Variants in JAM3 observed in about 807,000 individuals in gnomAD.
JAM3 encodes the protein junctional adhesion molecule C.
JAM3 carries 31 observed loss-of-function variants against 39.4 expected under a neutral mutation model. The ratio of observed to expected loss-of-function variants is 0.79; its 90% CI spans 0.59 to 1.06. The LOEUF is 1.06. JAM3 is among the 50% of genes least tolerant of loss of function. The pLI is 0.00. For missense variants in JAM3, 455 were observed against 391.4 expected (o/e 1.16, Z -1.37); for synonymous variants, 182 against 148.7 (o/e 1.22, Z -1.63).
chr11:134,104,781 T>C (rs1942149616), intron 1 of JAM3, among the ~76,000 whole-genome samples: 1 of 152,050 alleles, frequency 6.6e-6, no homozygotes, highest in African/African-American at 2.4e-5. Context: ...CCTGGACACA[T>C]ACACCCTCCC....
chr11:134,146,422 CGAGT>C lies in JAM3; in HGVS notation c.712+378_712+381del, dbSNP rs368202308. Among the ~76,000 whole-genome samples, 22 of 152,006 alleles carry C rather than the reference CGAGT, an allele frequency of 1.4e-4. No homozygotes were observed. In the East Asian group the frequency reaches 3.7e-3, roughly 25 times the overall value. On this transcript the variant is annotated intron_variant, in intron 6 of 8. Coordinates refer to ENST00000299106, the MANE Select transcript of JAM3 (RefSeq NM_032801.5). The stretch of plus-strand genomic sequence containing the variant: ...TTGTAGAAAACTGACAGTTTTAGCC[CGAGT>C]AATTTTACCTGCAGACAAAGCTTAG...
chr11:134,130,257 G>C (rs1157645676), intron 1 of JAM3, among the ~76,000 whole-genome samples: 2 of 152,126 alleles, frequency 1.3e-5, no homozygotes, highest in African/African-American at 4.8e-5. Context: ...AAGAAACATT[G>C]AAAGAGCAAA....
At chr11:134,070,201 C>T (rs533569613) in intron 1 of JAM3, 29 of 456,272 alleles carry the variant, frequency 6.4e-5, no homozygotes, top group African/African-American at 5.6e-4. Flanking sequence ...TCCAAGGCTG[C>T]ATTCTAAGTA....
At chr11:134,119,609 C>T (rs144203285) in intron 1 of JAM3, among the ~76,000 whole-genome samples, 16 of 152,298 alleles carry the variant, frequency 1.1e-4, no homozygotes, top group African/African-American at 3.6e-4. Context: ...GGAGAGTCGA[C>T]GATGCCAGTG....
intron 1 of JAM3, among the ~76,000 whole-genome samples, chr11:134,091,331 TAA>T (rs956734295): frequency 2.0e-5 from 3 of 152,006 alleles, no homozygotes; most frequent in African/African-American, 7.2e-5. Flanking sequence ...CTGTCTCTAC[TAA>T]AAATTAAAAA....
chr11:134,106,986 A>T (rs1457575813), intron 1 of JAM3, among the ~76,000 whole-genome samples: 1 of 152,240 alleles, frequency 6.6e-6, no homozygotes, highest in Non-Finnish European at 1.5e-5. Flanking sequence ...TACTGGGTAT[A>T]TACCCAAAGG....
chr11:134,108,175 A>G (rs1246823257), intron 1 of JAM3, among the ~76,000 whole-genome samples: 1 of 152,142 alleles, frequency 6.6e-6, no homozygotes, highest in Non-Finnish European at 1.5e-5. Flanking sequence ...TTATGCTTAA[A>G]CATTTCACAA....
At chr11:134,108,828 C>T (rs1942253738) in intron 1 of JAM3, among the ~76,000 whole-genome samples, 1 of 152,040 alleles carries the variant, frequency 6.6e-6, no homozygotes, top group African/African-American at 2.4e-5. Context: ...ATCAATAAAC[C>T]AAAAGCTGGT....
chr11:134,118,182 C>A (rs1403413664), intron 1 of JAM3, among the ~76,000 whole-genome samples: 1 of 152,188 alleles, frequency 6.6e-6, no homozygotes, highest in Non-Finnish European at 1.5e-5. Context: ...TGTGTTTAGT[C>A]ATACACATTT....
At chr11:134,083,747 A>G (rs1042119529) in intron 1 of JAM3, among the ~76,000 whole-genome samples, 1 of 152,190 alleles carries the variant, frequency 6.6e-6, no homozygotes, top group Non-Finnish European at 1.5e-5. Context: ...TTAAGCCTCC[A>G]TGATGGGTCC....
chr11:134,086,909 A>G (rs970267981), intron 1 of JAM3, among the ~76,000 whole-genome samples: 5 of 152,060 alleles, frequency 3.3e-5, no homozygotes, highest in Admixed American at 6.6e-5. Context: ...GGTTCAAGCA[A>G]TCCTTCTGTC....
chr11:134,135,167 TTA>T (rs1347604007), intron 1 of JAM3, among the ~76,000 whole-genome samples: 1 of 152,242 alleles, frequency 6.6e-6, no homozygotes, highest in East Asian at 1.9e-4. Context: ...TTTAGGTGTT[TTA>T]TATGTTTTAA....
rs1014567579 is a variant in JAM3 at position 134,109,460 on chromosome 11, T to C, written c.77-30391T>C. ...ATAACTGTTGCCTGGTTTTTTGTTA[T>C]TTGCTTTTGCAAATAAAATTTTATT... On this transcript the variant is annotated intron_variant, in intron 1 of 8. Transcript: ENST00000299106. Among the ~76,000 whole-genome samples, 6 of 152,378 alleles carry C rather than the reference T, an allele frequency of 3.9e-5. No homozygotes were observed. In the East Asian group the frequency reaches 9.6e-4, roughly 24 times the overall value.
rs1435690273 is a variant in JAM3, at chr11:134,149,651, C to G, written c.*470C>G. On this transcript the variant is annotated 3_prime_UTR_variant, in exon 9 of 9. Coordinates refer to ENST00000299106, the MANE Select transcript of JAM3 (RefSeq NM_032801.5). ...AAAGGCTTCTTACACAGCAGCCTTACTTCATCGGCCCACAGACACCACCGC... is the reference window on the plus strand; with the variant it reads ...AAAGGCTTCTTACACAGCAGCCTTAGTTCATCGGCCCACAGACACCACCGC... 6.5e-6 allele frequency: 3 copies of G among 458,174 alleles called. No individual in the cohort carries two copies. Among genetic ancestry groups the G allele is most frequent in the Non-Finnish European group, 1.3e-5 (3 of 228,352 alleles). The allele number at this position is 458,174 out of a possible 1,614,324, so 28.4% of individuals were successfully genotyped here.
intron 1 of JAM3, among the ~76,000 whole-genome samples, chr11:134,115,752 C>T (rs1942417020): frequency 6.6e-6 from 1 of 151,730 alleles, no homozygotes; most frequent in South Asian, 2.1e-4. Context: ...AAAAAATTAG[C>T]AAGGCATAGT....
intron 1 of JAM3, among the ~76,000 whole-genome samples, chr11:134,122,537 C>A (rs9804672): frequency 6.6e-6 from 1 of 152,090 alleles, no homozygotes; most frequent in African/African-American, 2.4e-5. Flanking sequence ...ACAGTCCCTG[C>A]GCTACTCACT....
intron 1 of JAM3, among the ~76,000 whole-genome samples, chr11:134,112,119 C>T (rs1484184017): frequency 6.6e-6 from 1 of 152,218 alleles, no homozygotes; most frequent in African/African-American, 2.4e-5. Context: ...CAGAGCCTCG[C>T]TCTGTTGCCC....
intron 1 of JAM3, among the ~76,000 whole-genome samples, chr11:134,091,553 C>A (rs1318112582): frequency 6.6e-6 from 1 of 150,696 alleles, no homozygotes; most frequent in African/African-American, 2.4e-5. Context: ...CATGGTAAGC[C>A]CAGAAGTTAG....
chr11:134,141,081 G>A (rs1213060804), intron 3 of JAM3, among the ~76,000 whole-genome samples: 1 of 152,104 alleles, frequency 6.6e-6, no homozygotes, highest in Non-Finnish European at 1.5e-5. Flanking sequence ...ATCTTCTCAT[G>A]ATCCTGATGT....
Sources: gnomAD v4.1 joint callset for allele counts (sites outside exome capture counted in the v4.1 genomes callset) on GRCh38, gnomAD v4.1.1 for gene constraint, MANE v1.5 for transcripts, NCBI Gene and HGNC (gene_info 2026-07-23, HGNC 2026-07-21) for gene names.